TBC1D22A: variants seen among roughly 807,000 people sequenced by gnomAD.
TBC1D22A encodes the protein TBC1 domain family member 22A, also known as putative GTPase activator.
TBC1D22A carries 38 observed loss-of-function variants against 60.2 expected under a neutral mutation model. That is an observed-to-expected ratio of 0.63 (90% CI 0.49 to 0.83). TBC1D22A has a LOEUF of 0.83. Among genes scored for constraint, TBC1D22A ranks in the 40% least tolerant of loss-of-function variants. The pLI is 0.00. For missense variants in TBC1D22A, 628 were observed against 701.0 expected, an observed-to-expected ratio of 0.90 and a Z score of 1.18; for synonymous variants, 302 against 281.7, an observed-to-expected ratio of 1.07 and a Z score of -0.72.
intron 12 of TBC1D22A, among the ~76,000 whole-genome samples, chr22:47,113,906 G>A (rs567441452): frequency 6.6e-6 from 1 of 152,296 alleles, no homozygotes; most frequent in African/African-American, 2.4e-5. Flanking sequence ...TGAGAGGGTG[G>A]TGTTGGGTGG....
At chr22:46,852,782 T>C (rs2087350499) in intron 4 of TBC1D22A, among the ~76,000 whole-genome samples, 2 of 152,318 alleles carry the variant, frequency 1.3e-5, no homozygotes, top group South Asian at 4.1e-4. Flanking sequence ...TAAAGTTGGC[T>C]GTTTCCTGGC....
chr22:46,942,750 G>C (rs1264072966), intron 8 of TBC1D22A, among the ~76,000 whole-genome samples: 1 of 152,164 alleles, frequency 6.6e-6, no homozygotes, highest in East Asian at 1.9e-4. Flanking sequence ...GAGAAATCAG[G>C]CTTTCTATTA....
chr22:46,920,780 A>AT (rs11312752), intron 8 of TBC1D22A, among the ~76,000 whole-genome samples: 99 of 148,140 alleles, frequency 6.7e-4, no homozygotes, highest in South Asian at 5.8e-3. Context: ...TTATTTATTC[A>AT]TTTTTTTTTT....
chr22:47,060,386 C>T (rs889615788), intron 11 of TBC1D22A, among the ~76,000 whole-genome samples: 1 of 151,210 alleles, frequency 6.6e-6, no homozygotes, highest in African/African-American at 2.4e-5. Flanking sequence ...GGATTACAGG[C>T]GCCCACCACC....
intron 10 of TBC1D22A, among the ~76,000 whole-genome samples, chr22:47,007,072 TG>T (rs1463846030): frequency 6.6e-6 from 1 of 152,174 alleles, no homozygotes; most frequent in African/African-American, 2.4e-5. Flanking sequence ...GGGAGGGGTC[TG>T]CAGGTGGCCC....
At chr22:47,082,704 GC>G (rs762589018) in intron 11 of TBC1D22A, among the ~76,000 whole-genome samples, 4 of 152,178 alleles carry the variant, frequency 2.6e-5, no homozygotes, top group Non-Finnish European at 4.4e-5. Context: ...CTCCTTAATG[GC>G]TAAAAATGAA....
chr22:47,099,381 C>T lies in TBC1D22A; in HGVS notation c.1330-12127C>T, dbSNP rs144939832. 7.3e-5 allele frequency among the ~76,000 whole-genome samples: 11 copies of T among 151,450 alleles called. No homozygotes were observed. The East Asian group carries it at 9.7e-4, about 13-fold the overall frequency. Reference sequence around the variant, plus strand: ...GGCGGTCAAGAATGGTTTGGCCTACCGGAAGGCATGAGCAGGGGCAAAGAC... The same window carrying T: ...GGCGGTCAAGAATGGTTTGGCCTACTGGAAGGCATGAGCAGGGGCAAAGAC... On this transcript the variant is annotated intron_variant, in intron 11 of 12. Transcript: ENST00000337137.
intron 9 of TBC1D22A, among the ~76,000 whole-genome samples, chr22:46,975,157 G>A (rs1180860582): frequency 6.6e-6 from 1 of 152,104 alleles, no homozygotes; most frequent in Non-Finnish European, 1.5e-5. Flanking sequence ...TAGTTTATTT[G>A]AGGCCAGTAC....
chr22:47,015,226 A>G (rs2061868295), intron 10 of TBC1D22A, among the ~76,000 whole-genome samples: 1 of 152,122 alleles, frequency 6.6e-6, no homozygotes, highest in Non-Finnish European at 1.5e-5. Context: ...GGGCTTGGTG[A>G]TTTTGAGAGC....
chr22:47,061,173 TG>T (rs2063562845), intron 11 of TBC1D22A, among the ~76,000 whole-genome samples: 1 of 151,538 alleles, frequency 6.6e-6, no homozygotes, highest in South Asian at 2.1e-4. Flanking sequence ...ACCACGGTCC[TG>T]GAAAGGTTGA....
chr22:47,152,545 C>T (rs738668), intron 12 of TBC1D22A, among the ~76,000 whole-genome samples: 81,224 of 152,086 alleles, frequency 0.53, 22,925 homozygotes, highest in East Asian at 0.76. Flanking sequence ...CAACCCCCCA[C>T]GTAGCTGGTC....
chr22:47,056,326 T>A (rs1418806131), intron 11 of TBC1D22A, among the ~76,000 whole-genome samples: 1 of 152,072 alleles, frequency 6.6e-6, no homozygotes, highest in Non-Finnish European at 1.5e-5. Flanking sequence ...TGCTTGTTAG[T>A]GATTGACAGC....
chr22:47,063,169 G>A (rs1238108142), intron 11 of TBC1D22A, among the ~76,000 whole-genome samples: 1 of 152,250 alleles, frequency 6.6e-6, no homozygotes, highest in East Asian at 1.9e-4. Context: ...AATCGCTGGG[G>A]CTCAGGAGCC....
chr22:46,793,525 G>A lies in TBC1D22A; in HGVS notation c.144G>A (p.Met48Ile). 3.7e-6 allele frequency: 6 copies of A among 1,614,180 alleles called. No homozygotes were observed. The highest frequency in any genetic ancestry group is 5.1e-6 in the Non-Finnish European group (6 of 1,180,048). Residue 48 changes from methionine (M) to isoleucine (I), a missense_variant, in exon 3 of 13, where the codon ATG becomes ATA. Physicochemically the swap from Met to Ile is conservative, Grantham distance 10. Transcript: ENST00000337137. ...HGTLLRSTAKMPTTPVKAKRV... is the reference protein window; with the variant it reads ...HGTLLRSTAKIPTTPVKAKRV... ...GTTTGCTCAGGTCCACGGCCAAGAT[G>A]CCGACCACACCAGTGAAGGCCAAGA... is the stretch of plus-strand genomic sequence containing the variant.
chr22:46,789,257 C>A, intron 1 of TBC1D22A: 1 of 286,856 alleles, frequency 3.5e-6, no homozygotes, highest in Non-Finnish European at 7.3e-6. Flanking sequence ...TCCCAAGTAG[C>A]TGGGATTACA....
chr22:46,862,604 CGG>C (rs1569145048), intron 4 of TBC1D22A, among the ~76,000 whole-genome samples: 2 of 152,282 alleles, frequency 1.3e-5, no homozygotes, highest in South Asian at 4.1e-4. Context: ...AGCGGGGCTG[CGG>C]GAATTGGCTG....
intron 8 of TBC1D22A, among the ~76,000 whole-genome samples, chr22:46,960,951 T>G (rs1389527950): frequency 1.5e-5 from 1 of 68,778 alleles, no homozygotes; most frequent in Non-Finnish European, 2.3e-5. Flanking sequence ...CGAGACACCA[T>G]CTCAAAAAAA....
intron 11 of TBC1D22A, among the ~76,000 whole-genome samples, chr22:47,060,482 G>A (rs994264493): frequency 6.6e-6 from 1 of 152,170 alleles, no homozygotes; most frequent in African/African-American, 2.4e-5. Context: ...CCAGGCTAGA[G>A]TGCAGTGGCA....
chr22:47,015,831 T>C (rs191412346), intron 10 of TBC1D22A, among the ~76,000 whole-genome samples: 1 of 152,294 alleles, frequency 6.6e-6, no homozygotes, highest in Admixed American at 6.5e-5. Context: ...GGCCTTACGC[T>C]GCCCTATGTA....
Sources: gnomAD v4.1 joint callset for allele counts (sites outside exome capture counted in the v4.1 genomes callset) on GRCh38, gnomAD v4.1.1 for gene constraint, MANE v1.5 for transcripts, NCBI Gene and HGNC (gene_info 2026-07-23, HGNC 2026-07-21) for gene names.